Variants in TMEM74 observed in about 807,000 individuals in gnomAD.
The protein encoded by TMEM74 is transmembrane protein 74.
A neutral mutation model predicts 18.1 loss-of-function variants in TMEM74; 13 were observed. The observed-to-expected ratio is 0.72, with a 90% CI of 0.47 to 1.14. The LOEUF (loss-of-function observed/expected upper bound fraction) is 1.14, where lower values mean the gene tolerates loss of function less well. Among genes scored for constraint, TMEM74 ranks in the 50% most tolerant of loss-of-function variants. The pLI is 0.00. For missense variants in TMEM74, 372 were observed against 375.9 expected (o/e 0.99, Z 0.09); for synonymous variants, 159 against 146.6 (o/e 1.08, Z -0.61).
intron 2 of TMEM74, among the ~76,000 whole-genome samples, chr8:108,612,232 TA>T (rs538009893): frequency 4.0e-4 from 61 of 150,736 alleles, no homozygotes; most frequent in Non-Finnish European, 6.1e-4. Context: ...ATTTCTATGT[TA>T]AAAAAAAATG....
chr8:108,626,032 A>G (rs775681805), intron 2 of TMEM74, among the ~76,000 whole-genome samples: 5 of 152,036 alleles, frequency 3.3e-5, no homozygotes, highest in African/African-American at 4.8e-5. Context: ...ACTGAGAGCC[A>G]GAATTGGGAT....
intron 1 of TMEM74, among the ~76,000 whole-genome samples, chr8:108,657,885 T>TATTAATTAC (rs1554630316): frequency 1.2e-4 from 14 of 114,122 alleles, no homozygotes; most frequent in East Asian, 4.7e-4. Context: ...TATATATATA[T>TATTAATTAC]ATATATATAT....
intron 1 of TMEM74, among the ~76,000 whole-genome samples, chr8:108,772,456 G>A (rs1814183763): frequency 6.6e-6 from 1 of 152,126 alleles, no homozygotes; most frequent in Non-Finnish European, 1.5e-5. Context: ...GAGTTTTAAA[G>A]TCTAGTTGGA....
exon 4 of TMEM74, chr8:108,607,575 T>C (rs1385676864): frequency 6.6e-6 from 1 of 152,214 alleles, no homozygotes; most frequent in Non-Finnish European, 1.5e-5. Flanking sequence ...TAATCACTAA[T>C]TATATTGTAG....
At chr8:108,763,807 A>T (rs1814071653) in intron 1 of TMEM74, among the ~76,000 whole-genome samples, 1 of 152,176 alleles carries the variant, frequency 6.6e-6, no homozygotes, top group East Asian at 1.9e-4. Context: ...TCAGCCTGGT[A>T]TAGGCTTACT....
chr8:108,784,875 G>C lies in TMEM74; in HGVS notation c.224C>G (p.Thr75Ser), dbSNP rs902739603. 1.2e-6 allele frequency: 2 copies of C among 1,614,182 alleles called. No homozygotes were observed. Among genetic ancestry groups the C allele is most frequent in the Admixed American group, 3.3e-5 (2 of 60,026 alleles). Residue 75 changes from threonine to serine, a missense_variant, in exon 2 of 2, where the codon ACT becomes AGT. Transcript: ENST00000297459. ...ASPSSSLQNSTLQPDAFPPGL... is the reference protein window; with the variant it reads ...ASPSSSLQNSSLQPDAFPPGL... The stretch of plus-strand genomic sequence containing the variant: ...TGGTGGAAAGGCATCTGGCTGAAGA[G>C]TACTGTTTTGCAGAGAGGAGGAGGG...
At position 108,784,818 on chromosome 8, in the gene TMEM74, G is replaced by C. The variant is rs1031500774; in HGVS notation, c.281C>G (p.Thr94Arg). The C allele has an allele frequency of 1.2e-6, 2 of 1,614,110 alleles. No homozygotes were observed. The highest frequency in any genetic ancestry group is 2.7e-5 in the African/African-American group (2 of 74,944). ...GLLHSGNNQITAERKVCNCCS... is the reference protein window; with the variant it reads ...GLLHSGNNQIRAERKVCNCCS... ...GCAGTTACAGACTTTCCGTTCCGCT[G>C]TTATTTGGTTGTTCCCTGAGTGGAG... Residue 94 changes from threonine to arginine, a missense_variant, in exon 2 of 2, where the codon ACA (threonine) becomes AGA (arginine). Physicochemically the swap from Thr to Arg is moderately conservative, Grantham distance 71. Coordinates refer to ENST00000297459, the MANE Select transcript of TMEM74 (RefSeq NM_153015.3).
intron 1 of TMEM74, among the ~76,000 whole-genome samples, chr8:108,763,880 T>C (rs879298356): frequency 9.9e-5 from 15 of 152,208 alleles, no homozygotes; most frequent in Admixed American, 9.2e-4. Flanking sequence ...TACAGGTTTC[T>C]GATTATTTAA....
intron 2 of TMEM74, among the ~76,000 whole-genome samples, chr8:108,637,475 G>A (rs994691778): frequency 6.6e-6 from 1 of 152,036 alleles, no homozygotes. Flanking sequence ...TTATCTGAGT[G>A]GGCCCAGTAT....
intron 1 of TMEM74, among the ~76,000 whole-genome samples, chr8:108,756,548 AAAAG>A (rs57444896): frequency 0.11 from 4,923 of 44,780 alleles, 497 homozygotes; most frequent in Admixed American, 0.18. Context: ...CACTGTAAAG[AAAAG>A]AAAGAAAGAA....
At chr8:108,628,218 T>C (rs1812515403) in intron 2 of TMEM74, among the ~76,000 whole-genome samples, 1 of 152,034 alleles carries the variant, frequency 6.6e-6, no homozygotes, top group Admixed American at 6.6e-5. Flanking sequence ...GTTGCAATAA[T>C]CTGGTTAGAG....
chr8:108,611,977 G>T (rs914952400), intron 2 of TMEM74, among the ~76,000 whole-genome samples: 1 of 152,084 alleles, frequency 6.6e-6, no homozygotes, highest in Non-Finnish European at 1.5e-5. Context: ...TTCACAGGGC[G>T]GTAGGAGAGA....
intron 1 of TMEM74, among the ~76,000 whole-genome samples, chr8:108,703,749 A>G (rs963885534): frequency 1.3e-5 from 2 of 152,224 alleles, no homozygotes; most frequent in African/African-American, 4.8e-5. Flanking sequence ...ATGGCAAGTA[A>G]ACAGAGGGAA....
At chr8:108,608,388 A>T (rs1812300868) in intron 3 of TMEM74, among the ~76,000 whole-genome samples, 1 of 152,054 alleles carries the variant, frequency 6.6e-6, no homozygotes, top group Admixed American at 6.6e-5. Context: ...GACTCACTGG[A>T]TCTTATTCCC....
chr8:108,780,620 A>G lies in TMEM74; in HGVS notation c.*3561T>C, dbSNP rs1814293343. Among the ~76,000 whole-genome samples the G allele has an allele frequency of 6.6e-6, 1 of 152,166 alleles. No homozygotes were observed. The highest frequency in any genetic ancestry group is 1.5e-5 in the Non-Finnish European group (1 of 68,036). On this transcript the variant is annotated 3_prime_UTR_variant, in exon 2 of 2. Transcript: ENST00000297459. ...TGGTCCAATTGGGTCCCTAAAACAA[A>G]TAAGTATGAGGGGGATGAACTCATA...
At chr8:108,768,386 T>C (rs1292220855) in intron 1 of TMEM74, among the ~76,000 whole-genome samples, 1 of 152,134 alleles carries the variant, frequency 6.6e-6, no homozygotes, top group Non-Finnish European at 1.5e-5. Context: ...TTCCCAACTA[T>C]CCTCACCTAC....
chr8:108,623,107 C>A (rs1296370254), intron 2 of TMEM74, among the ~76,000 whole-genome samples: 1 of 152,048 alleles, frequency 6.6e-6, no homozygotes, highest in Non-Finnish European at 1.5e-5. Flanking sequence ...AACCAACTCA[C>A]AATTTTATTG....
chr8:108,639,344 G>A (rs1021435970), intron 2 of TMEM74, among the ~76,000 whole-genome samples: 1 of 152,082 alleles, frequency 6.6e-6, no homozygotes, highest in African/African-American at 2.4e-5. Context: ...TTGACTCTAA[G>A]GCTCATGAGC....
Position 108,648,037 on chromosome 8 carries a change from G to C in TMEM74, n.264+7256C>G, listed in dbSNP as rs557083103. Among the ~76,000 whole-genome samples the C allele has an allele frequency of 2.6e-5, 4 of 152,186 alleles. No individual in the cohort carries two copies. The South Asian group carries it at 8.3e-4, about 32-fold the overall frequency. On this transcript the variant is annotated intron_variant and non_coding_transcript_variant, in intron 2 of 3. Transcript: ENST00000518838. The stretch of plus-strand genomic sequence containing the variant: ...GACCTCAGTTATTCCAATCAAAGAG[G>C]GAAGGCCTTAGACGTTCTCACTCAC...
Sources: gnomAD v4.1 joint callset for allele counts (sites outside exome capture counted in the v4.1 genomes callset) on GRCh38, gnomAD v4.1.1 for gene constraint, MANE v1.5 for transcripts, NCBI Gene and HGNC (gene_info 2026-07-23, HGNC 2026-07-21) for gene names.